TMEM178B: variants seen among roughly 807,000 people sequenced by gnomAD.
TMEM178B encodes the protein transmembrane protein 178B.
Under a neutral mutation model 31.0 loss-of-function variants are expected in TMEM178B, and 5 were observed. The observed-to-expected ratio is 0.16, with a 90% CI of 0.08 to 0.34. TMEM178B has a LOEUF of 0.34. TMEM178B is among the 10% of genes least tolerant of loss of function. TMEM178B has a pLI of 1.00. For missense variants in TMEM178B, 275 were observed against 400.3 expected (o/e 0.69, Z 2.67); for synonymous variants, 164 against 164.0 (o/e 1.00, Z 0.00).
chr7:141,383,317 C>T lies in TMEM178B; in HGVS notation c.497-54291C>T, dbSNP rs539806144. Among the ~76,000 whole-genome samples the T allele has an allele frequency of 4.8e-3, 726 of 151,374 alleles. 4 individuals carry two copies. The highest frequency in any genetic ancestry group is 0.025 in the South Asian group (120 of 4,710). On this transcript the variant is annotated intron_variant, in intron 2 of 3. Coordinates refer to ENST00000565468, the MANE Select transcript of TMEM178B (RefSeq NM_001195278.2). ...ATGTGCCATGTTGGTGTGCTGCACCCATTAACTCGTCATTTACATTAGGTG... is the reference window on the plus strand; with the variant it reads ...ATGTGCCATGTTGGTGTGCTGCACCTATTAACTCGTCATTTACATTAGGTG...
intron 2 of TMEM178B, among the ~76,000 whole-genome samples, chr7:141,294,161 G>T (rs1798592505): frequency 6.6e-6 from 1 of 152,162 alleles, no homozygotes; most frequent in Non-Finnish European, 1.5e-5. Flanking sequence ...CACTCCCAAA[G>T]TGCTGTAAGA....
chr7:141,241,650 A>C (rs1358150325), intron 2 of TMEM178B, among the ~76,000 whole-genome samples: 1 of 151,822 alleles, frequency 6.6e-6, no homozygotes, highest in Non-Finnish European at 1.5e-5. Context: ...AGGCTCCAGC[A>C]AGATTTGAGG....
At chr7:141,510,685 CAAAAAAAAAA>C in the TMEM178B span, among the ~76,000 whole-genome samples, 54 of 24,966 alleles carry the variant, frequency 2.2e-3, no homozygotes, top group African/African-American at 7.6e-3. Flanking sequence ...AACTCCGTCT[CAAAAAAAAAA>C]AAAAAAAAAA....
intron 1 of TMEM178B, among the ~76,000 whole-genome samples, chr7:141,201,119 A>G (rs1240415587): frequency 6.6e-6 from 1 of 152,222 alleles, no homozygotes; most frequent in Non-Finnish European, 1.5e-5. Context: ...ATGAAGGGGC[A>G]GAGTTGGCTT....
intron 1 of TMEM178B, among the ~76,000 whole-genome samples, chr7:141,076,498 A>G (rs1794602199): frequency 6.6e-6 from 1 of 152,142 alleles, no homozygotes; most frequent in South Asian, 2.1e-4. Context: ...CACTTAGAGA[A>G]AGGGGGATGG....
At chr7:141,452,016 A>G (rs895506226) in intron 3 of TMEM178B, among the ~76,000 whole-genome samples, 4 of 152,080 alleles carry the variant, frequency 2.6e-5, no homozygotes, top group African/African-American at 9.7e-5. Flanking sequence ...TTCTATAACA[A>G]TACCCTTTTG....
chr7:141,385,714 A>G (rs10215677), intron 2 of TMEM178B, among the ~76,000 whole-genome samples: 42,838 of 152,064 alleles, frequency 0.28, 6,552 homozygotes, highest in African/African-American at 0.39. Flanking sequence ...CACCATTAGC[A>G]CCTTTCCTGT....
intron 3 of TMEM178B, among the ~76,000 whole-genome samples, chr7:141,465,202 A>C (rs1802129872): frequency 6.6e-6 from 1 of 152,168 alleles, no homozygotes; most frequent in South Asian, 2.1e-4. Context: ...TTCTGAGTAG[A>C]AGCCCCCTCA....
intron 3 of TMEM178B, among the ~76,000 whole-genome samples, chr7:141,443,579 CA>C (rs1010831784): frequency 6.6e-6 from 1 of 152,206 alleles, no homozygotes; most frequent in Admixed American, 6.5e-5. Flanking sequence ...CCATTTTCAT[CA>C]CATCATTTCA....
At chr7:141,192,114 A>G (rs528076031) in intron 1 of TMEM178B, among the ~76,000 whole-genome samples, 52 of 152,340 alleles carry the variant, frequency 3.4e-4, no homozygotes, top group Non-Finnish European at 6.6e-4. Flanking sequence ...TTGAGATGCC[A>G]CTATTACTAT....
chr7:141,493,270 G>A, the TMEM178B span, among the ~76,000 whole-genome samples: 1 of 152,190 alleles, frequency 6.6e-6, no homozygotes, highest in East Asian at 1.9e-4. Flanking sequence ...ACAGGTGGTT[G>A]TTAGAGCCCT....
intron 2 of TMEM178B, among the ~76,000 whole-genome samples, chr7:141,406,865 C>T (rs916323741): frequency 2.0e-5 from 3 of 152,146 alleles, no homozygotes; most frequent in Admixed American, 6.5e-5. Flanking sequence ...TTCTAGAATT[C>T]GCACCTCCAG....
At chr7:141,175,178 A>G (rs1198887486) in intron 1 of TMEM178B, among the ~76,000 whole-genome samples, 1 of 152,158 alleles carries the variant, frequency 6.6e-6, no homozygotes, top group East Asian at 1.9e-4. Flanking sequence ...TTTTCTGCAT[A>G]TGGCTAGCTA....
chr7:141,104,798 A>G (rs1267999956), intron 1 of TMEM178B, among the ~76,000 whole-genome samples: 1 of 151,966 alleles, frequency 6.6e-6, no homozygotes, highest in Non-Finnish European at 1.5e-5. Context: ...TGTGGTCTTC[A>G]TCTCCTCTTA....
rs372156223 is a variant in TMEM178B at position 141,468,143 on chromosome 7, TAA to T, written c.635-2392_635-2391del. On this transcript the variant is annotated intron_variant, in intron 3 of 3. Transcript: ENST00000565468. Reference sequence around the variant, plus strand: ...CCTCTGGATCTGGGCTTTGGCCGATTAAGTTTTATCTTTCTCCAGTAAAAACT... The same window carrying T: ...CCTCTGGATCTGGGCTTTGGCCGATTGTTTTATCTTTCTCCAGTAAAAACT... Among the ~76,000 whole-genome samples, 51 of 152,352 alleles carry T rather than the reference TAA, an allele frequency of 3.3e-4. 1 individual carries two copies. Among genetic ancestry groups the T allele is most frequent in the African/African-American group, 1.2e-3 (49 of 41,586 alleles).
intron 3 of TMEM178B, among the ~76,000 whole-genome samples, chr7:141,439,554 C>T (rs765759956): frequency 5.3e-5 from 8 of 152,170 alleles, no homozygotes; most frequent in Non-Finnish European, 1.2e-4. Context: ...TTTCCTTTTG[C>T]AATCCAAATC....
chr7:141,451,782 G>T (rs759683987), intron 3 of TMEM178B, among the ~76,000 whole-genome samples: 14 of 152,288 alleles, frequency 9.2e-5, no homozygotes, highest in Middle Eastern at 3.4e-3. Context: ...AAAGCTTGGG[G>T]CTTATGAGGC....
intron 2 of TMEM178B, among the ~76,000 whole-genome samples, chr7:141,371,014 C>T: frequency 6.6e-6 from 1 of 152,236 alleles, no homozygotes; most frequent in East Asian, 1.9e-4. Context: ...TGAATGGGCA[C>T]ATGGGTGGAA....
chr7:141,261,813 C>CATCT (rs1798018136), intron 2 of TMEM178B, among the ~76,000 whole-genome samples: 1 of 152,156 alleles, frequency 6.6e-6, no homozygotes, highest in East Asian at 1.9e-4. Context: ...CCCCTGCATG[C>CATCT]ATCTGTCTTA....
Sources: gnomAD v4.1 joint callset for allele counts (sites outside exome capture counted in the v4.1 genomes callset) on GRCh38, gnomAD v4.1.1 for gene constraint, MANE v1.5 for transcripts, NCBI Gene and HGNC (gene_info 2026-07-23, HGNC 2026-07-21) for gene names.